Variants in ADAMTSL3 observed in about 807,000 individuals in gnomAD.
ADAMTSL3 encodes ADAMTS-like protein 3.
ADAMTSL3 carries 128 observed loss-of-function variants against 201.7 expected under a neutral mutation model. The ratio of observed to expected loss-of-function variants is 0.63; its 90% CI spans 0.55 to 0.73. The LOEUF is 0.73. ADAMTSL3 is among the 30% of genes least tolerant of loss of function. ADAMTSL3 has a pLI of 0.00. For synonymous variants in ADAMTSL3, 738 were observed against 748.4 expected (o/e 0.99, Z 0.23); for missense variants, 1,990 against 2,119.6 (o/e 0.94, Z 1.20).
chr15:83,657,439 T>C (rs1222894371), intron 2 of ADAMTSL3, among the ~76,000 whole-genome samples: 1 of 152,204 alleles, frequency 6.6e-6, no homozygotes, highest in African/African-American at 2.4e-5. Context: ...TCTTCATCAT[T>C]CACGCCACTC....
chr15:83,882,878 AAATGTCT>A (rs2065303231), intron 9 of ADAMTSL3, among the ~76,000 whole-genome samples: 1 of 151,932 alleles, frequency 6.6e-6, no homozygotes, highest in Non-Finnish European at 1.5e-5. Flanking sequence ...TTATTTTTTA[AAATGTCT>A]AGAACTCAAT....
At chr15:83,897,198 C>T (rs978809859) in intron 13 of ADAMTSL3, among the ~76,000 whole-genome samples, 1 of 151,984 alleles carries the variant, frequency 6.6e-6, no homozygotes, top group Non-Finnish European at 1.5e-5. Flanking sequence ...GAGTAACTTT[C>T]AAATCATAAA....
At chr15:83,901,312 G>A (rs2065719621) in intron 15 of ADAMTSL3, among the ~76,000 whole-genome samples, 1 of 152,060 alleles carries the variant, frequency 6.6e-6, no homozygotes, top group Admixed American at 6.6e-5. Context: ...AGAGAGGGAG[G>A]AGTAAGACCC....
intron 6 of ADAMTSL3, among the ~76,000 whole-genome samples, chr15:83,831,208 A>G (rs1183412042): frequency 6.6e-6 from 1 of 152,092 alleles, no homozygotes; most frequent in Non-Finnish European, 1.5e-5. Context: ...TTTCATCTCA[A>G]CATCCTTAAT....
chr15:83,853,940 CTATCTATCTATCTAT>C (rs1228052857), intron 7 of ADAMTSL3, among the ~76,000 whole-genome samples: 2 of 150,878 alleles, frequency 1.3e-5, no homozygotes, highest in African/African-American at 4.9e-5. Context: ...ATCTATCTAT[CTATCTATCTATCTAT>C]CTAATTCCTC....
chr15:83,773,115 G>A (rs1352099669), intron 3 of ADAMTSL3, among the ~76,000 whole-genome samples: 1 of 151,890 alleles, frequency 6.6e-6, no homozygotes, highest in Non-Finnish European at 1.5e-5. Flanking sequence ...CCAAAGCTAA[G>A]CATTTTTGGG....
At chr15:83,986,818 G>T (rs1386468113) in intron 21 of ADAMTSL3, among the ~76,000 whole-genome samples, 4 of 152,168 alleles carry the variant, frequency 2.6e-5, no homozygotes, top group African/African-American at 9.7e-5. Flanking sequence ...ATTAGAGATG[G>T]TGCCTATAGA....
intron 17 of ADAMTSL3, among the ~76,000 whole-genome samples, chr15:83,928,407 A>G (rs992372238): frequency 1.3e-5 from 2 of 152,226 alleles, no homozygotes; most frequent in Non-Finnish European, 2.9e-5. Flanking sequence ...CTAGATTTAA[A>G]TCTTACTGCA....
At chr15:83,808,236 C>A (rs1024218168) in intron 5 of ADAMTSL3, among the ~76,000 whole-genome samples, 1 of 151,990 alleles carries the variant, frequency 6.6e-6, no homozygotes, top group Non-Finnish European at 1.5e-5. Flanking sequence ...GACAGCTGGA[C>A]ACGGAAATAT....
intron 14 of ADAMTSL3, among the ~76,000 whole-genome samples, 172 bp from the exon 15 acceptor site, chr15:83,899,475 A>T (rs2065681862): frequency 6.6e-6 from 1 of 152,206 alleles, no homozygotes; most frequent in African/African-American, 2.4e-5. Flanking sequence ...TATACAGCAG[A>T]AGTGTTTAAT....
At chr15:84,024,385 CATAAT>C (rs1357017670) in intron 26 of ADAMTSL3, among the ~76,000 whole-genome samples, 8 of 152,232 alleles carry the variant, frequency 5.3e-5, no homozygotes, top group Admixed American at 2.0e-4. Context: ...AGATACCTGT[CATAAT>C]GTAATGTGTA....
intron 27 of ADAMTSL3, 82 bp downstream of exon 27, chr15:84,025,518 A>G (rs1234319454): frequency 7.3e-7 from 1 of 1,377,484 alleles, no homozygotes; most frequent in Admixed American, 2.4e-5. Flanking sequence ...TTTCCAATAA[A>G]CTACTTTTGG....
intron 2 of ADAMTSL3, among the ~76,000 whole-genome samples, chr15:83,679,351 C>G (rs2061448027): frequency 6.6e-6 from 1 of 151,992 alleles, no homozygotes; most frequent in Admixed American, 6.6e-5. Context: ...TGTTGATTGT[C>G]TTTTCCCATT....
At chr15:83,751,952 G>T (rs1293400061) in intron 3 of ADAMTSL3, among the ~76,000 whole-genome samples, 1 of 152,210 alleles carries the variant, frequency 6.6e-6, no homozygotes, top group Non-Finnish European at 1.5e-5. Context: ...AATGTGAAAA[G>T]ATTCTGCATC....
intron 3 of ADAMTSL3, among the ~76,000 whole-genome samples, chr15:83,748,154 C>G (rs541652850): frequency 6.6e-6 from 1 of 152,298 alleles, no homozygotes; most frequent in East Asian, 1.9e-4. Context: ...CTGCTCCTTT[C>G]TTCAGTGCCT....
At chr15:83,828,842 A>G (rs543016361) in intron 6 of ADAMTSL3, among the ~76,000 whole-genome samples, 1 of 152,274 alleles carries the variant, frequency 6.6e-6, no homozygotes, top group South Asian at 2.1e-4. Context: ...TGATTTTCAT[A>G]TGTTGAACCA....
chr15:83,738,421 A>T (rs1873170839), intron 3 of ADAMTSL3, among the ~76,000 whole-genome samples: 1 of 152,218 alleles, frequency 6.6e-6, no homozygotes, highest in South Asian at 2.1e-4. Context: ...TTTAAATTAG[A>T]TGGCAGTATA....
intron 4 of ADAMTSL3, among the ~76,000 whole-genome samples, chr15:83,788,146 A>T (rs1474622245): frequency 6.6e-6 from 1 of 152,096 alleles, no homozygotes; most frequent in Non-Finnish European, 1.5e-5. Context: ...TTACATGCTT[A>T]TCACTAATTC....
At chr15:83,876,241 A>G (rs1567206937) in intron 9 of ADAMTSL3, among the ~76,000 whole-genome samples, 1 of 152,002 alleles carries the variant, frequency 6.6e-6, no homozygotes, top group African/African-American at 2.4e-5. Flanking sequence ...TCCTTGCGTA[A>G]TTGTTGTTTT....
Sources: gnomAD v4.1 joint callset for allele counts (sites outside exome capture counted in the v4.1 genomes callset) on GRCh38, gnomAD v4.1.1 for gene constraint, MANE v1.5 for transcripts, NCBI Gene and HGNC (gene_info 2026-07-23, HGNC 2026-07-21) for gene names.